The following STK3 variants were observed in gnomAD, a reference collection of about 807,000 sequenced individuals.
The protein encoded by STK3 is serine/threonine kinase 3, also known as serine/threonine-protein kinase 3.
STK3 carries 41 observed loss-of-function variants against 58.0 expected under a neutral mutation model. The ratio of observed to expected loss-of-function variants is 0.71; its 90% CI spans 0.55 to 0.92. The LOEUF is 0.92. Ranked by LOEUF, STK3 falls within the 40% of genes least tolerant of loss-of-function variation. The pLI is 0.00. For missense variants in STK3, 479 were observed against 602.7 expected, an observed-to-expected ratio of 0.79 and a Z score of 2.15; for synonymous variants, 170 against 191.0, an observed-to-expected ratio of 0.89 and a Z score of 0.91.
chr8:98,430,965 T>G (rs761885754), intron 3 of STK3: 1 of 167,138 alleles, frequency 6.0e-6, no homozygotes, highest in Admixed American at 6.5e-5. Flanking sequence ...GGTTCCTCTA[T>G]AAGATAATTC....
chr8:98,864,924 T>A (rs1587770190), intron 3 of STK3, among the ~76,000 whole-genome samples: 2 of 152,124 alleles, frequency 1.3e-5, no homozygotes, highest in African/African-American at 4.8e-5. Flanking sequence ...AAAGAAGAGG[T>A]AGAAAAAGCA....
At chr8:98,801,228 C>A (rs1056005968) in intron 1 of STK3, among the ~76,000 whole-genome samples, 1 of 152,064 alleles carries the variant, frequency 6.6e-6, no homozygotes, top group African/African-American at 2.4e-5. Flanking sequence ...TGTAAACGCA[C>A]CAATCAGCAC....
rs955582798 is a variant in STK3, at chr8:98,660,073, T to C, written c.684+46394A>G. 2.6e-5 allele frequency among the ~76,000 whole-genome samples: 4 copies of C among 151,984 alleles called. No individual in the cohort carries two copies. The East Asian group carries it at 5.8e-4, about 22-fold the overall frequency. On this transcript the variant is annotated intron_variant, in intron 6 of 10. Coordinates refer to ENST00000419617, the MANE Select transcript of STK3 (RefSeq NM_006281.4). Reference sequence around the variant, plus strand: ...AACAAAACGTGGTATAAACATATAATTGAATATTATTTAGCCTTAAAAAGG... The same window carrying C: ...AACAAAACGTGGTATAAACATATAACTGAATATTATTTAGCCTTAAAAAGG...
chr8:98,438,101 A>G (rs530870371), intron 1 of STK3: 1 of 152,358 alleles, frequency 6.6e-6, no homozygotes. Flanking sequence ...TTTTATGCAC[A>G]GTTTAAATAT....
chr8:98,487,238 C>G (rs1198499736), intron 10 of STK3, among the ~76,000 whole-genome samples: 1 of 152,020 alleles, frequency 6.6e-6, no homozygotes, highest in East Asian at 1.9e-4. Context: ...AAGTGCCACA[C>G]AGTATAAAGG....
chr8:98,473,519 A>G (rs1295040084), intron 10 of STK3, among the ~76,000 whole-genome samples: 2 of 152,184 alleles, frequency 1.3e-5, no homozygotes, highest in African/African-American at 4.8e-5. Context: ...CAAACTTCTC[A>G]AAGTATGGAG....
chr8:98,463,094 C>T (rs1236867539), intron 10 of STK3: 2 of 152,286 alleles, frequency 1.3e-5, no homozygotes, highest in East Asian at 3.9e-4. Context: ...AAGTGTTCCA[C>T]AGAATATACT....
intron 6 of STK3, among the ~76,000 whole-genome samples, chr8:98,657,679 T>G (rs1821653816): frequency 6.6e-6 from 1 of 152,014 alleles, no homozygotes; most frequent in South Asian, 2.1e-4. Context: ...CAAGAATTGA[T>G]CAGATAAAGT....
chr8:98,893,486 G>GAAAGAAAGAAAGAGAA (rs776247646), intron 1 of STK3, among the ~76,000 whole-genome samples: 1 of 42,998 alleles, frequency 2.3e-5, no homozygotes, highest in Non-Finnish European at 4.3e-5. Flanking sequence ...AAGAAAGAAA[G>GAAAGAAAGAAAGAGAA]AGAAAGAAAG....
chr8:98,830,315 G>T (rs1250024245), upstream of STK3, among the ~76,000 whole-genome samples: 1 of 152,176 alleles, frequency 6.6e-6, no homozygotes, highest in Non-Finnish European at 1.5e-5. Context: ...ACGAGAGAGT[G>T]ACTAAGGAAG....
intron 1 of STK3, among the ~76,000 whole-genome samples, chr8:98,445,334 C>G (rs1420581507): frequency 6.6e-6 from 1 of 152,098 alleles, no homozygotes; most frequent in Non-Finnish European, 1.5e-5. Context: ...GTCACGCAAA[C>G]TACAAATGTG....
At chr8:98,784,195 T>C (rs1056046240) in intron 1 of STK3, among the ~76,000 whole-genome samples, 4 of 152,178 alleles carry the variant, frequency 2.6e-5, no homozygotes, top group African/African-American at 9.7e-5. Context: ...CAGGACACTA[T>C]TTTAAATGTG....
chr8:98,510,445 T>C lies in STK3; in HGVS notation c.1317+16297A>G, dbSNP rs1824420883. ...TATATTTGCCTTCATTTTCAGCCCC[T>C]GTAACATCAGAGGGTTTTTTTTTAA... On this transcript the variant is annotated intron_variant, in intron 10 of 10. Transcript: ENST00000419617. Among the ~76,000 whole-genome samples, 4 of 145,698 alleles carry C rather than the reference T, an allele frequency of 2.7e-5. No individual in the cohort carries two copies. The Admixed American group carries it at 2.9e-4, about 11-fold the overall frequency.
chr8:98,906,989 T>TAAAAAAAA (rs3085954), intron 1 of STK3, among the ~76,000 whole-genome samples: 41 of 94,772 alleles, frequency 4.3e-4, no homozygotes, highest in Middle Eastern at 6.3e-3. Context: ...TCTCTACCAA[T>TAAAAAAAA]AAAAAAAAAA....
At chr8:98,634,223 T>C (rs1026665476) in intron 6 of STK3, among the ~76,000 whole-genome samples, 2 of 152,116 alleles carry the variant, frequency 1.3e-5, no homozygotes, top group African/African-American at 4.8e-5. Context: ...CCAGGCACAG[T>C]GGCCTGTAAT....
At chr8:98,685,346 A>G (rs1823910580) in intron 6 of STK3, among the ~76,000 whole-genome samples, 2 of 152,270 alleles carry the variant, frequency 1.3e-5, no homozygotes, top group Middle Eastern at 3.4e-3. Flanking sequence ...GGCAATACCA[A>G]CAGCAAGGTT....
At chr8:98,872,583 G>A (rs1033365023) in intron 3 of STK3, among the ~76,000 whole-genome samples, 6 of 152,074 alleles carry the variant, frequency 3.9e-5, no homozygotes, top group African/African-American at 7.2e-5. Context: ...TGTATGTGTC[G>A]AGGAATTTAT....
rs191162909 is a variant in STK3, at chr8:98,597,409, G to A, written c.685-1240C>T. The A allele has an allele frequency of 1.9e-5, 19 of 984,904 alleles. No individual in the cohort carries two copies. In the South Asian group the frequency reaches 2.8e-4, roughly 15 times the overall value. 61.0% of individuals were successfully genotyped at this position (984,904 alleles called of 1,614,324 possible). A position where few individuals can be genotyped will look rare whatever the true frequency, so the allele number is the denominator to read the frequency against. On this transcript the variant is annotated intron_variant, in intron 6 of 10. Coordinates refer to ENST00000419617, the MANE Select transcript of STK3 (RefSeq NM_006281.4). The stretch of plus-strand genomic sequence containing the variant: ...GATTAGAATATTTTATATACCTCAC[G>A]TCATGTTATACATATTACATCTATG...
At chr8:98,625,596 T>C (rs949678600) in intron 6 of STK3, among the ~76,000 whole-genome samples, 3 of 152,188 alleles carry the variant, frequency 2.0e-5, no homozygotes, top group Admixed American at 6.5e-5. Flanking sequence ...AAACTGATTA[T>C]GCCTTTTCAT....
Sources: allele counts gnomAD v4.1 joint callset (sites outside exome capture counted in the v4.1 genomes callset), GRCh38; gene constraint gnomAD v4.1.1; transcripts MANE v1.5; gene names NCBI Gene and HGNC (gene_info 2026-07-23, HGNC 2026-07-21).